Variants in TAFA1 observed in about 807,000 individuals in gnomAD.
TAFA1 encodes the protein TAFA chemokine like family member 1, also known as chemokine-like protein TAFA-1.
In TAFA1, 4 loss-of-function variants were observed where a neutral mutation model predicts 18.5. The observed-to-expected ratio is 0.22, with a 90% CI of 0.11 to 0.49. The LOEUF (loss-of-function observed/expected upper bound fraction) is 0.49, where lower values mean the gene tolerates loss of function less well. Among genes scored for constraint, TAFA1 ranks in the 20% least tolerant of loss-of-function variants. The pLI is 0.98. For missense variants in TAFA1, 147 were observed against 169.0 expected, an observed-to-expected ratio of 0.87 and a Z score of 0.72; for synonymous variants, 56 against 55.2, an observed-to-expected ratio of 1.01 and a Z score of -0.06.
At chr3:68,476,961 T>G (rs1305329436) in intron 3 of TAFA1, among the ~76,000 whole-genome samples, 1 of 152,180 alleles carries the variant, frequency 6.6e-6, no homozygotes, top group Non-Finnish European at 1.5e-5. Context: ...AATACACCCA[T>G]GTATCCAGCA....
At chr3:68,228,202 C>T (rs2066827544) in intron 2 of TAFA1, among the ~76,000 whole-genome samples, 1 of 152,054 alleles carries the variant, frequency 6.6e-6, no homozygotes. Context: ...ATATTGTAAG[C>T]CCTCTATAAA....
chr3:68,517,557 G>A (rs1450781429), intron 3 of TAFA1, among the ~76,000 whole-genome samples: 1 of 152,156 alleles, frequency 6.6e-6, no homozygotes, highest in Admixed American at 6.5e-5. Context: ...TACAAATGCT[G>A]AACAAGCCTC....
intron 2 of TAFA1, among the ~76,000 whole-genome samples, chr3:68,404,502 C>CA (rs371030123): frequency 0.016 from 2,424 of 151,392 alleles, 73 homozygotes; most frequent in African/African-American, 0.048. Flanking sequence ...CCTATAGGAC[C>CA]AAAAAAAAGA....
intron 2 of TAFA1, among the ~76,000 whole-genome samples, chr3:68,324,131 C>G (rs1001219391): frequency 2.0e-5 from 3 of 151,884 alleles, no homozygotes; most frequent in Non-Finnish European, 4.4e-5. Context: ...TTTTGCCAGA[C>G]CAAAATGAAT....
At chr3:68,147,838 C>T (rs2065761618) in intron 2 of TAFA1, among the ~76,000 whole-genome samples, 1 of 152,160 alleles carries the variant, frequency 6.6e-6, no homozygotes, top group Admixed American at 6.5e-5. Context: ...CCCTGCCTAC[C>T]TTTCAGACTT....
intron 2 of TAFA1, among the ~76,000 whole-genome samples, chr3:68,231,093 C>T (rs1055286360): frequency 6.6e-6 from 1 of 152,020 alleles, no homozygotes; most frequent in Non-Finnish European, 1.5e-5. Context: ...TATTTAAATG[C>T]ATGTGTATGT....
chr3:68,291,546 A>G (rs1390533744), intron 2 of TAFA1, among the ~76,000 whole-genome samples: 1 of 152,130 alleles, frequency 6.6e-6, no homozygotes, highest in Admixed American at 6.5e-5. Context: ...TACATCCAGA[A>G]CTTATACTCT....
chr3:68,069,628 A>G (rs775978524), intron 2 of TAFA1, among the ~76,000 whole-genome samples: 9 of 152,198 alleles, frequency 5.9e-5, no homozygotes, highest in Non-Finnish European at 1.0e-4. Context: ...TCAAAAGTTC[A>G]CAGTCCAAAG....
intron 2 of TAFA1, among the ~76,000 whole-genome samples, chr3:68,009,684 C>A (rs1173477309): frequency 6.6e-6 from 1 of 152,140 alleles, no homozygotes; most frequent in Non-Finnish European, 1.5e-5. Context: ...ACAATAGCTG[C>A]AAAGATTAAA....
At chr3:68,479,394 C>A (rs1218402167) in intron 3 of TAFA1, among the ~76,000 whole-genome samples, 1 of 151,738 alleles carries the variant, frequency 6.6e-6, no homozygotes, top group Non-Finnish European at 1.5e-5. Flanking sequence ...CTTGCTTTTT[C>A]TCACTTCTTA....
intron 3 of TAFA1, among the ~76,000 whole-genome samples, chr3:68,500,083 A>G (rs961321184): frequency 6.6e-6 from 1 of 151,860 alleles, no homozygotes; most frequent in Admixed American, 6.6e-5. Context: ...CTTCCTTCCT[A>G]GGCTCTTTGA....
At chr3:68,041,963 G>T (rs1705174032) in intron 2 of TAFA1, among the ~76,000 whole-genome samples, 1 of 152,104 alleles carries the variant, frequency 6.6e-6, no homozygotes, top group Non-Finnish European at 1.5e-5. Flanking sequence ...AAGAGCTTTG[G>T]CTGGACACCA....
intron 2 of TAFA1, among the ~76,000 whole-genome samples, chr3:68,288,495 A>G (rs1438730542): frequency 6.6e-6 from 1 of 152,168 alleles, no homozygotes. Flanking sequence ...AAGTTGGTGC[A>G]GCTGTTTGTC....
At chr3:68,466,231 A>G (rs894580450) in intron 3 of TAFA1, among the ~76,000 whole-genome samples, 1 of 152,180 alleles carries the variant, frequency 6.6e-6, no homozygotes, top group Non-Finnish European at 1.5e-5. Flanking sequence ...CCTCTGCCAC[A>G]GTAGCTGGCA....
intron 2 of TAFA1, among the ~76,000 whole-genome samples, chr3:68,075,831 G>A (rs1327821119): frequency 6.6e-6 from 1 of 151,900 alleles, no homozygotes; most frequent in Non-Finnish European, 1.5e-5. Flanking sequence ...CTACTGGCTG[G>A]GACTACAGGC....
At chr3:68,135,191 C>G (rs2065592641) in intron 2 of TAFA1, among the ~76,000 whole-genome samples, 1 of 152,168 alleles carries the variant, frequency 6.6e-6, no homozygotes, top group South Asian at 2.1e-4. Context: ...CCACACATAT[C>G]TGTCAGAGAG....
intron 2 of TAFA1, among the ~76,000 whole-genome samples, chr3:68,414,547 G>A (rs969812731): frequency 2.6e-5 from 4 of 152,138 alleles, no homozygotes; most frequent in African/African-American, 9.7e-5. Flanking sequence ...CTGAGCCTCA[G>A]CTTCTCATGT....
chr3:68,434,798 G>A (rs777362103), intron 3 of TAFA1, among the ~76,000 whole-genome samples: 4 of 151,914 alleles, frequency 2.6e-5, no homozygotes, highest in African/African-American at 4.8e-5. Context: ...TCATTTTTGC[G>A]GACTTCATTT....
chr3:68,433,709 T>G (rs185608228), intron 3 of TAFA1, among the ~76,000 whole-genome samples: 1 of 152,222 alleles, frequency 6.6e-6, no homozygotes, highest in African/African-American at 2.4e-5. Context: ...AATCCTAAAT[T>G]TAAGTTCCCA....
Sources: allele counts gnomAD v4.1 joint callset (sites outside exome capture counted in the v4.1 genomes callset), GRCh38; gene constraint gnomAD v4.1.1; transcripts MANE v1.5; gene names NCBI Gene and HGNC (gene_info 2026-07-23, HGNC 2026-07-21).